The following EIF4G3 variants were observed in gnomAD, a reference collection of about 807,000 sequenced individuals.
EIF4G3 encodes eIF-4-gamma 3.
Under a neutral mutation model 186.4 loss-of-function variants are expected in EIF4G3, and 34 were observed. The observed-to-expected ratio is 0.18, with a 90% CI of 0.14 to 0.24. The LOEUF (loss-of-function observed/expected upper bound fraction) is 0.24. EIF4G3 is among the 10% of genes least tolerant of loss of function. The pLI is 1.00. For missense variants in EIF4G3, 1,536 were observed against 1,948.5 expected, an observed-to-expected ratio of 0.79 and a Z score of 3.99; for synonymous variants, 673 against 679.5, an observed-to-expected ratio of 0.99 and a Z score of 0.15.
chr1:20,901,345 A>G (rs2090208622), intron 15 of EIF4G3, among the ~76,000 whole-genome samples: 1 of 152,178 alleles, frequency 6.6e-6, no homozygotes, highest in Non-Finnish European at 1.5e-5. Context: ...ATAATCTTAT[A>G]ATACCATCTC....
intron 14 of EIF4G3, among the ~76,000 whole-genome samples, chr1:20,936,906 T>C (rs959809622): frequency 6.6e-6 from 1 of 152,222 alleles, no homozygotes; most frequent in African/African-American, 2.4e-5. Context: ...ATAAACTTCC[T>C]ATGTTATATT....
intron 3 of EIF4G3, among the ~76,000 whole-genome samples, chr1:21,063,545 A>G (rs918778494): frequency 6.6e-6 from 1 of 152,158 alleles, no homozygotes; most frequent in Non-Finnish European, 1.5e-5. Flanking sequence ...TGCTTATGGT[A>G]TAATTTTAAG....
chr1:21,126,718 G>A (rs964637294), intron 2 of EIF4G3, among the ~76,000 whole-genome samples: 1 of 152,008 alleles, frequency 6.6e-6, no homozygotes, highest in Admixed American at 6.6e-5. Flanking sequence ...AAGTATCAGA[G>A]AACACATTAA....
intron 7 of EIF4G3, among the ~76,000 whole-genome samples, chr1:20,986,761 A>AAAAG: frequency 7.0e-6 from 1 of 143,430 alleles, no homozygotes; most frequent in African/African-American, 2.5e-5. Context: ...AAAAAAAAAA[A>AAAAG]AAAAAAAAAA....
rs1572509994 is a variant in EIF4G3 at position 20,905,036 on chromosome 1, A to C, written c.1664-65T>G. The C allele has an allele frequency of 5.1e-6, 6 of 1,165,640 alleles. No individual in the cohort carries two copies. The East Asian group carries it at 1.4e-4, about 28-fold the overall frequency. 72.2% of individuals were successfully genotyped at this position (1,165,640 alleles called of 1,614,324 possible). A position where few individuals can be genotyped will look rare whatever the true frequency, so the allele number is the denominator to read the frequency against. On this transcript the variant is annotated intron_variant, in intron 14 of 36. Transcript: ENST00000602326. The stretch of plus-strand genomic sequence containing the variant: ...GTCATTCTGAGAAATATTAGGTCTA[A>C]GTGATACCTATATTCAAATTAAGCA...
chr1:20,991,831 GA>G (rs2081195367), intron 7 of EIF4G3, among the ~76,000 whole-genome samples: 1 of 152,130 alleles, frequency 6.6e-6, no homozygotes, highest in East Asian at 1.9e-4. Flanking sequence ...AATAGCTTGG[GA>G]AAAGGGGAAA....
intron 4 of EIF4G3, among the ~76,000 whole-genome samples, chr1:21,004,964 C>T (rs1467428452): frequency 1.3e-5 from 2 of 151,994 alleles, no homozygotes; most frequent in African/African-American, 4.8e-5. Context: ...TAAATCTAGC[C>T]ACTAACCTAA....
chr1:20,946,694 A>G (rs766613402), intron 13 of EIF4G3, among the ~76,000 whole-genome samples: 2 of 152,246 alleles, frequency 1.3e-5, no homozygotes, highest in South Asian at 2.1e-4. Flanking sequence ...TTATTTGCCT[A>G]TTTTACATAT....
intron 4 of EIF4G3, among the ~76,000 whole-genome samples, chr1:21,024,793 C>A (rs1222216448): frequency 6.7e-6 from 1 of 149,198 alleles, no homozygotes; most frequent in African/African-American, 2.5e-5. Context: ...AACCAGAGAC[C>A]TTTGTTCACT....
intron 29 of EIF4G3, among the ~76,000 whole-genome samples, chr1:20,846,402 G>A (rs1282949793): frequency 1.3e-5 from 2 of 152,136 alleles, no homozygotes; most frequent in African/African-American, 4.8e-5. Context: ...TACTCACAGT[G>A]TCATAGCAGT....
chr1:20,818,661 T>TA (rs1335590300), intron 33 of EIF4G3, among the ~76,000 whole-genome samples: 1 of 152,050 alleles, frequency 6.6e-6, no homozygotes, highest in Non-Finnish European at 1.5e-5. Flanking sequence ...AAAAAATCTA[T>TA]AATCAAAATT....
intron 2 of EIF4G3, among the ~76,000 whole-genome samples, chr1:21,125,787 CA>C (rs2097027351): frequency 6.8e-6 from 1 of 147,150 alleles, no homozygotes; most frequent in Admixed American, 6.9e-5. Flanking sequence ...CACACACACA[CA>C]CACACACACA....
At chr1:21,108,456 G>T (rs2096656591) in intron 2 of EIF4G3, among the ~76,000 whole-genome samples, 1 of 151,972 alleles carries the variant, frequency 6.6e-6, no homozygotes, top group South Asian at 2.1e-4. Context: ...TGATAAAACG[G>T]GTTGTCAATT....
intron 2 of EIF4G3, among the ~76,000 whole-genome samples, chr1:21,127,528 T>C (rs555958500): frequency 6.6e-5 from 10 of 152,226 alleles, no homozygotes; most frequent in Non-Finnish European, 1.5e-4. Context: ...ATGCAATACC[T>C]GGTACGCAGC....
chr1:20,812,288 A>C lies in EIF4G3; in HGVS notation c.4597+870T>G, dbSNP rs80177360. Among the ~76,000 whole-genome samples, 27 of 152,314 alleles carry C rather than the reference A, an allele frequency of 1.8e-4. No individual in the cohort carries two copies. The East Asian group carries it at 5.2e-3, about 29-fold the overall frequency. ...AAAACAAAAACCAAACAGCTTTTGG[A>C]CTTCCCAACTCGAATTTTAAAACAT... On this transcript the variant is annotated intron_variant, in intron 35 of 36. Coordinates refer to ENST00000602326, the MANE Select transcript of EIF4G3 (RefSeq NM_001391906.1).
intron 16 of EIF4G3, among the ~76,000 whole-genome samples, chr1:20,898,807 T>C (rs1488142166): frequency 1.3e-5 from 2 of 152,186 alleles, no homozygotes; most frequent in Admixed American, 1.3e-4. Flanking sequence ...CTTGGCTCAC[T>C]GCAACCTCTG....
chr1:20,959,655 C>CAATAAT lies in EIF4G3; in HGVS notation c.715-9550_715-9545dup, dbSNP rs61144464. ...TCTACAAGGAACTCAAACAAATCAG[C>CAATAAT]AATAATAATAATAATAATAATAATA... On this transcript the variant is annotated intron_variant, in intron 12 of 36. Transcript: ENST00000602326. Among the ~76,000 whole-genome samples, 576 of 142,518 alleles carry CAATAAT rather than the reference C, an allele frequency of 4.0e-3. 4 individuals are homozygous for CAATAAT. The highest frequency in any genetic ancestry group is 4.8e-3 in the Non-Finnish European group (317 of 65,582). The allele number at this position is 142,518 out of a possible 152,430, so 93.5% of individuals were successfully genotyped here.
chr1:20,971,740 T>C (rs1019942235), intron 11 of EIF4G3, among the ~76,000 whole-genome samples: 1 of 152,182 alleles, frequency 6.6e-6, no homozygotes, highest in Non-Finnish European at 1.5e-5. Flanking sequence ...TTCAAGTGAT[T>C]CTCGTGCCTC....
At chr1:21,055,655 C>A (rs934403030) in intron 3 of EIF4G3, among the ~76,000 whole-genome samples, 10 of 151,898 alleles carry the variant, frequency 6.6e-5, no homozygotes, top group African/African-American at 2.2e-4. Context: ...AGTACATACC[C>A]TAAAGAAAAT....
Sources: allele counts gnomAD v4.1 joint callset (sites outside exome capture counted in the v4.1 genomes callset), GRCh38; gene constraint gnomAD v4.1.1; transcripts MANE v1.5; gene names NCBI Gene and HGNC (gene_info 2026-07-23, HGNC 2026-07-21).